The following SUZ12 variants were observed in gnomAD, a reference collection of about 807,000 sequenced individuals.
The protein encoded by SUZ12 is SUZ12 polycomb repressive complex 2 subunit, also known as polycomb protein SUZ12.
A neutral mutation model predicts 87.3 loss-of-function variants in SUZ12; 17 were observed. The ratio of observed to expected loss-of-function variants is 0.19; its 90% CI spans 0.13 to 0.29. The LOEUF is 0.29. Ranked by LOEUF, SUZ12 falls within the 10% of genes least tolerant of loss-of-function variation. The pLI is 1.00. For synonymous variants in SUZ12, 253 were observed against 312.4 expected, an observed-to-expected ratio of 0.81 and a Z score of 2.01; for missense variants, 526 against 912.2, an observed-to-expected ratio of 0.58 and a Z score of 5.45.
In SUZ12 at chr17:32,000,089, G is replaced by A. The variant is rs763842302; in HGVS notation, c.*1086G>A. Reference sequence around the variant, plus strand: ...AGTTGGATTTTCTCCAACAGAAAGTGGATTCACTACTGGCACATTAACAAG... The same window carrying A: ...AGTTGGATTTTCTCCAACAGAAAGTAGATTCACTACTGGCACATTAACAAG... On this transcript the variant is annotated 3_prime_UTR_variant, in exon 16 of 16. Coordinates refer to ENST00000322652, the MANE Select transcript of SUZ12 (RefSeq NM_015355.4). 3 of 232,996 alleles carry A rather than the reference G, an allele frequency of 1.3e-5. No homozygotes were observed. The highest frequency in any genetic ancestry group is 4.4e-5 in the African/African-American group (2 of 45,298). The allele number at this position is 232,996 out of a possible 1,614,324, so 14.4% of individuals were successfully genotyped here.
At chr17:31,971,569 T>G (rs1908433796) in intron 5 of SUZ12, among the ~76,000 whole-genome samples, 1 of 151,916 alleles carries the variant, frequency 6.6e-6, no homozygotes, top group Non-Finnish European at 1.5e-5. Context: ...TAGCTGAGAT[T>G]ACAGGCATGC....
At chr17:31,984,877 C>T (rs533433224) in intron 9 of SUZ12, among the ~76,000 whole-genome samples, 50 of 152,232 alleles carry the variant, frequency 3.3e-4, no homozygotes, top group Admixed American at 2.6e-3. Context: ...AAGTTGGGGC[C>T]GGGCTCAGTG....
chr17:31,993,913 C>A lies in SUZ12; in HGVS notation c.1342C>A (p.Leu448Met). 1 of 1,613,492 alleles carries A rather than the reference C, an allele frequency of 6.2e-7. No homozygotes were observed. The highest frequency in any genetic ancestry group is 1.1e-5 in the South Asian group (1 of 91,000). ...GCAACAAACTGAAGCAAGAGATGAC[C>A]TGCATTGCCCTTGGTGTACTCTGAA... The part of the protein sequence containing the change: ...TRQQTEARDD[L>M]HCPWCTLNCR... Residue 448 changes from leucine (L) to methionine (M), a missense_variant, in exon 12 of 16, where the codon CTG (leucine) becomes ATG (methionine). By Grantham distance (15) the Leu-to-Met change is conservative. Around this residue, in one of 9 missense-constraint regions of SUZ12, gnomAD observed 143 missense variants for 321.6 expected, o/e 0.44. Transcript: ENST00000322652.
At chr17:31,951,775 CTTT>C (rs61047916) in intron 4 of SUZ12, among the ~76,000 whole-genome samples, 20 of 114,286 alleles carry the variant, frequency 1.7e-4, no homozygotes, top group Non-Finnish European at 1.1e-4. Context: ...CGCGCCCAGC[CTTT>C]TTTTTTTTTT....
chr17:31,987,619 T>C (rs1909484058), intron 9 of SUZ12, among the ~76,000 whole-genome samples: 1 of 138,738 alleles, frequency 7.2e-6, no homozygotes, highest in South Asian at 2.1e-4. Context: ...GGGCTTTGGG[T>C]ACCACAATTT....
At chr17:31,941,805 T>C (rs1273458760) in intron 3 of SUZ12, among the ~76,000 whole-genome samples, 1 of 151,946 alleles carries the variant, frequency 6.6e-6, no homozygotes, top group Non-Finnish European at 1.5e-5. Flanking sequence ...TGCCTCGGCC[T>C]CCCAAAGTGC....
rs965291180 is a variant in SUZ12, at chr17:31,976,457, A to G, written c.824-64A>G. 1.0e-5 allele frequency: 13 copies of G among 1,301,598 alleles called. No homozygotes were observed. In the Admixed American group the frequency reaches 1.7e-4, roughly 17 times the overall value. The allele number at this position is 1,301,598 out of a possible 1,614,324, so 80.6% of individuals were successfully genotyped here. A position where few individuals can be genotyped will look rare whatever the true frequency, so the allele number is the denominator to read the frequency against. On this transcript the variant is annotated intron_variant, in intron 7 of 15. Coordinates refer to ENST00000322652, the MANE Select transcript of SUZ12 (RefSeq NM_015355.4). ...AATGTAGCATGTTTTATGTTAAGGG[A>G]CCATATATCATAACACATTTTTGTT...
At chr17:31,979,712 G>C (rs1908984919) in intron 8 of SUZ12, among the ~76,000 whole-genome samples, 1 of 152,128 alleles carries the variant, frequency 6.6e-6, no homozygotes, top group Admixed American at 6.6e-5. Context: ...TTAAGATGCT[G>C]TTCACAATAT....
intron 5 of SUZ12, among the ~76,000 whole-genome samples, chr17:31,972,210 G>T (rs999900840): frequency 1.3e-5 from 2 of 151,848 alleles, no homozygotes; most frequent in Non-Finnish European, 2.9e-5. Context: ...ACTTTAACCC[G>T]GGAGGCAGAA....
intron 8 of SUZ12, among the ~76,000 whole-genome samples, chr17:31,980,428 C>CT (rs1909028922): frequency 1.2e-5 from 1 of 81,870 alleles, no homozygotes; most frequent in African/African-American, 3.6e-5. Flanking sequence ...ATCACCTTCT[C>CT]CTTTTTTTTT....
intron 4 of SUZ12, among the ~76,000 whole-genome samples, chr17:31,961,542 AAAAAC>A (rs1354057847): frequency 2.6e-5 from 4 of 152,344 alleles, no homozygotes; most frequent in East Asian, 1.9e-4. Context: ...ACTCCGTCTC[AAAAAC>A]AAAACAAAAC....
intron 3 of SUZ12, among the ~76,000 whole-genome samples, chr17:31,945,259 G>A (rs1056328649): frequency 1.4e-4 from 21 of 151,998 alleles, no homozygotes; most frequent in Admixed American, 6.6e-4. Context: ...TTCAGAACTC[G>A]TTTTTTACTA....
intron 7 of SUZ12, 132 bp from the exon 8 acceptor site, chr17:31,976,389 A>G (rs1908754725): frequency 2.8e-6 from 2 of 710,706 alleles, no homozygotes; most frequent in South Asian, 2.0e-5. Flanking sequence ...TGTGGTCTGT[A>G]TATTATTGCA....
intron 4 of SUZ12, among the ~76,000 whole-genome samples, chr17:31,964,578 TG>T (rs1415216655): frequency 6.6e-6 from 1 of 151,910 alleles, no homozygotes; most frequent in African/African-American, 2.4e-5. Context: ...AGCTAATTTT[TG>T]TATTTTTAGT....
chr17:31,996,955 C>A, intron 15 of SUZ12, 78 bp downstream of exon 15: 1 of 872,222 alleles, frequency 1.1e-6, no homozygotes, highest in Non-Finnish European at 1.6e-6. Context: ...AGAAATCTTA[C>A]GTGTGTTAGA....
In SUZ12 at chr17:31,999,617, C is replaced by T. The variant is rs749321410; in HGVS notation, c.*614C>T. 6 of 231,866 alleles carry T rather than the reference C, an allele frequency of 2.6e-5. No homozygotes were observed. The highest frequency in any genetic ancestry group is 2.6e-3 in the Middle Eastern group (2 of 776). The allele number at this position is 231,866 out of a possible 1,614,324, so 14.4% of individuals were successfully genotyped here. On this transcript the variant is annotated 3_prime_UTR_variant, in exon 16 of 16. Coordinates refer to ENST00000322652, the MANE Select transcript of SUZ12 (RefSeq NM_015355.4). ...TTACAATTAAAAAATAGCACTTCTT[C>T]ATCTTATGCCTGTTTGAGAAGATAT...
At chr17:31,991,220 T>A (rs992611948) in intron 10 of SUZ12, among the ~76,000 whole-genome samples, 1 of 152,038 alleles carries the variant, frequency 6.6e-6, no homozygotes, top group Non-Finnish European at 1.5e-5. Context: ...TAAAGAGATA[T>A]AAGAAATGGG....
At chr17:31,994,762 T>A (rs1196926876) in intron 13 of SUZ12, 41 bp downstream of exon 13, 1 of 1,587,870 alleles carries the variant, frequency 6.3e-7, no homozygotes, top group East Asian at 2.3e-5. Flanking sequence ...AAGCTCTGAT[T>A]TTTACTGATG....
intron 1 of SUZ12, among the ~76,000 whole-genome samples, chr17:31,938,502 TTC>T (rs1006230142): frequency 6.6e-6 from 1 of 152,228 alleles, no homozygotes; most frequent in African/African-American, 2.4e-5. Flanking sequence ...CCTTCCTTCA[TTC>T]TCTCTCATTA....
Sources: gnomAD v4.1 joint callset for allele counts (sites outside exome capture counted in the v4.1 genomes callset) on GRCh38, gnomAD v4.1.1 for gene constraint, gnomAD v4.1.1 regional missense constraint, MANE v1.5 for transcripts, NCBI Gene and HGNC (gene_info 2026-07-23, HGNC 2026-07-21) for gene names.